RIC8B: variants seen among roughly 807,000 people sequenced by gnomAD.
The protein encoded by RIC8B is RIC8 guanine nucleotide exchange factor B.
In RIC8B, 16 loss-of-function variants were observed where a neutral mutation model predicts 57.5. The observed-to-expected ratio is 0.28, with a 90% CI of 0.19 to 0.42. The LOEUF (loss-of-function observed/expected upper bound fraction) is 0.42, where lower values mean the gene tolerates loss of function less well. RIC8B is among the 10% of genes least tolerant of loss of function. RIC8B has a pLI of 1.00. For synonymous variants in RIC8B, 216 were observed against 250.8 expected, an observed-to-expected ratio of 0.86 and a Z score of 1.31; for missense variants, 481 against 677.0, an observed-to-expected ratio of 0.71 and a Z score of 3.21.
At chr12:106,850,619 G>A (rs1949427351) in intron 6 of RIC8B, among the ~76,000 whole-genome samples, 1 of 152,164 alleles carries the variant, frequency 6.6e-6, no homozygotes, top group Admixed American at 6.5e-5. Flanking sequence ...ATACAAAACA[G>A]GGATGAGAGT....
Position 106,870,858 on chromosome 12 carries a change from T to C in RIC8B, c.1487T>C (p.Met496Thr). ...ATCACTGGTCATTTAGAGGAACCAA[T>C]GCCAAACCCCATAGATGAAATGACA... ...NLITGHLEEP[M>T]PNPIDEMTEE... is the part of the protein sequence containing the mutation. Residue 496 changes from methionine (M) to threonine (T), a missense_variant, in exon 9 of 10, where the codon ATG becomes ACG. Met to Thr is a moderately conservative substitution (Grantham distance 81). Transcript: ENST00000392837. 1 of 1,542,132 alleles carries C rather than the reference T, an allele frequency of 6.5e-7. No individual in the cohort carries two copies. The highest frequency in any genetic ancestry group is 8.8e-7 in the Non-Finnish European group (1 of 1,141,322).
intron 7 of RIC8B, among the ~76,000 whole-genome samples, chr12:106,859,702 C>G (rs1212661747): frequency 6.6e-6 from 1 of 152,072 alleles, no homozygotes; most frequent in African/African-American, 2.4e-5. Context: ...CTGGGTCTAC[C>G]TTCGTAATGG....
Position 106,842,744 on chromosome 12 carries a change from C to G in RIC8B, c.992C>G (p.Thr331Ser), listed in dbSNP as rs1566120954. 2 of 1,613,632 alleles carry G rather than the reference C, an allele frequency of 1.2e-6. No homozygotes were observed. The highest frequency in any genetic ancestry group is 4.5e-5 in the East Asian group (2 of 44,826). ...AEKETVLKNN[T>S]MVYNGMNMEA... is the part of the protein sequence containing the mutation. ...AAAGAAACAGTTTTGAAAAACAATA[C>G]CATGGTATACAATGGTATGAATATG... The change falls in exon 5 of 10, where the codon ACC (threonine) becomes AGC (serine). Residue 331 changes from threonine to serine, a missense_variant. By Grantham distance (58) the Thr-to-Ser change is moderately conservative (BLOSUM62 1). Around this residue, in one of 3 missense-constraint regions of RIC8B, gnomAD observed 421 missense variants for 560.9 expected, o/e 0.75. Coordinates refer to ENST00000392837, the MANE Select transcript of RIC8B (RefSeq NM_001330145.2).
At chr12:106,806,713 C>G (rs1344793436) in intron 2 of RIC8B, among the ~76,000 whole-genome samples, 1 of 151,982 alleles carries the variant, frequency 6.6e-6, no homozygotes, top group Non-Finnish European at 1.5e-5. Flanking sequence ...GCGTGTAATC[C>G]CAGCTACTTG....
intron 7 of RIC8B, among the ~76,000 whole-genome samples, chr12:106,859,501 A>G (rs370752714): frequency 1.3e-5 from 2 of 152,174 alleles, no homozygotes; most frequent in African/African-American, 2.4e-5. Context: ...CACTCTTCTC[A>G]GAGAAAAAGA....
chr12:106,880,490 A>G lies in RIC8B; in HGVS notation c.1572-5414A>G, dbSNP rs574028505. On this transcript the variant is annotated intron_variant, in intron 9 of 9. Coordinates refer to ENST00000392837, the MANE Select transcript of RIC8B (RefSeq NM_001330145.2). ...CCCAGAGAGGCAAGTGACCTGCCCAAGGACACCTAGCAAGTTAGTGGAACA... is the reference window on the plus strand; with the variant it reads ...CCCAGAGAGGCAAGTGACCTGCCCAGGGACACCTAGCAAGTTAGTGGAACA... Among the ~76,000 whole-genome samples the G allele has an allele frequency of 6.6e-4, 100 of 152,242 alleles. No homozygotes were observed. The South Asian group carries it at 0.011, about 17-fold the overall frequency.
chr12:106,788,507 C>A (rs1217512892), intron 2 of RIC8B, among the ~76,000 whole-genome samples: 2 of 152,340 alleles, frequency 1.3e-5, no homozygotes, highest in African/African-American at 4.8e-5. Context: ...CCCGCCCCTG[C>A]AGCAAACTTT....
chr12:106,834,947 G>A (rs145638212), intron 4 of RIC8B, among the ~76,000 whole-genome samples: 14,315 of 134,300 alleles, frequency 0.11, 902 homozygotes, highest in Middle Eastern at 0.19. Flanking sequence ...TTGCGCCAGT[G>A]CACTCCAGCC....
At chr12:106,807,726 T>C (rs543750305) in intron 2 of RIC8B, among the ~76,000 whole-genome samples, 1 of 151,896 alleles carries the variant, frequency 6.6e-6, no homozygotes, top group African/African-American at 2.4e-5. Flanking sequence ...TGTCTAACAA[T>C]TAAACTGTTA....
At chr12:106,821,321 G>T (rs2045831717) in intron 3 of RIC8B, among the ~76,000 whole-genome samples, 1 of 152,206 alleles carries the variant, frequency 6.6e-6, no homozygotes, top group Non-Finnish European at 1.5e-5. Context: ...TAATGGAATA[G>T]AATAAATAGA....
intron 7 of RIC8B, among the ~76,000 whole-genome samples, chr12:106,859,705 C>G (rs11113131): frequency 6.6e-6 from 1 of 152,058 alleles, no homozygotes; most frequent in Non-Finnish European, 1.5e-5. Context: ...GGTCTACCTT[C>G]GTAATGGGCT....
intron 5 of RIC8B, 99 bp from the exon 6 acceptor site, chr12:106,843,753 C>G (rs1949063012): frequency 1.3e-6 from 1 of 789,150 alleles, no homozygotes; most frequent in Admixed American, 2.7e-5. Flanking sequence ...AAGTCCCCAC[C>G]TCAAAAACAA....
intron 2 of RIC8B, among the ~76,000 whole-genome samples, chr12:106,795,745 A>C (rs562458394): frequency 1.2e-4 from 18 of 152,232 alleles, no homozygotes; most frequent in African/African-American, 4.3e-4. Context: ...TAGAAAGGAA[A>C]ATAATTTGGG....
intron 4 of RIC8B, among the ~76,000 whole-genome samples, chr12:106,837,104 C>T (rs1235867474): frequency 6.6e-6 from 1 of 152,250 alleles, no homozygotes; most frequent in South Asian, 2.1e-4. Flanking sequence ...TGGCGCACAC[C>T]TGTAATCCCA....
In RIC8B at chr12:106,838,903, A is replaced by G. The variant is rs114325217; in HGVS notation, c.837-3686A>G. Among the ~76,000 whole-genome samples the G allele has an allele frequency of 8.3e-3, 1,260 of 152,182 alleles. 19 individuals carry two copies. The highest frequency in any genetic ancestry group is 0.029 in the African/African-American group (1,189 of 41,544). The stretch of plus-strand genomic sequence containing the variant: ...ACCAACGAAGACATGCAAACAGACA[A>G]CAGGTACATGAAAAGGTACTTAACA... On this transcript the variant is annotated intron_variant, in intron 4 of 9. Transcript: ENST00000392837.
intron 2 of RIC8B, among the ~76,000 whole-genome samples, chr12:106,789,292 A>C (rs181503645): frequency 6.6e-6 from 1 of 152,284 alleles, no homozygotes; most frequent in East Asian, 1.9e-4. Context: ...AGGAGGTTCC[A>C]AACTTTCCCA....
chr12:106,810,166 T>C (rs1463645661), intron 2 of RIC8B, among the ~76,000 whole-genome samples: 1 of 150,094 alleles, frequency 6.7e-6, no homozygotes, highest in Non-Finnish European at 1.5e-5. Context: ...CTTTTTTTTT[T>C]TTTTGATCCT....
chr12:106,800,957 C>T (rs1163752497), intron 2 of RIC8B, among the ~76,000 whole-genome samples: 1 of 152,128 alleles, frequency 6.6e-6, no homozygotes, highest in Non-Finnish European at 1.5e-5. Context: ...TATAATCAAA[C>T]TATAGCTTGT....
chr12:106,803,656 C>T (rs188712743), intron 2 of RIC8B, among the ~76,000 whole-genome samples: 127 of 152,212 alleles, frequency 8.3e-4, no homozygotes, highest in Non-Finnish European at 1.5e-3. Context: ...CATTTTTATT[C>T]TAAATTAATC....
Sources: allele counts gnomAD v4.1 joint callset (sites outside exome capture counted in the v4.1 genomes callset), GRCh38; gene constraint gnomAD v4.1.1; regional missense constraint gnomAD v4.1.1; transcripts MANE v1.5; gene names NCBI Gene and HGNC (gene_info 2026-07-23, HGNC 2026-07-21).